Variants in GPC5 observed in about 807,000 individuals in gnomAD.
GPC5 encodes glypican 5, also known as glypican-5.
Under a neutral mutation model 53.9 loss-of-function variants are expected in GPC5, and 47 were observed. The ratio of observed to expected loss-of-function variants is 0.87; its 90% CI spans 0.69 to 1.11. The LOEUF (loss-of-function observed/expected upper bound fraction) is 1.11, where lower values mean the gene tolerates loss of function less well. GPC5 is among the 50% of genes most tolerant of loss of function. GPC5 has a pLI of 0.00. For synonymous variants in GPC5, 286 were observed against 263.3 expected (o/e 1.09, Z -0.84); for missense variants, 748 against 713.1 (o/e 1.05, Z -0.56).
chr13:91,784,174 T>C (rs2037841458), intron 5 of GPC5, among the ~76,000 whole-genome samples: 1 of 152,180 alleles, frequency 6.6e-6, no homozygotes, highest in South Asian at 2.1e-4. Context: ...AGTAAGGATA[T>C]AAAATGGACA....
At chr13:91,558,700 A>C (rs2031090877) in intron 2 of GPC5, among the ~76,000 whole-genome samples, 1 of 151,948 alleles carries the variant, frequency 6.6e-6, no homozygotes. Context: ...TTTTCTAGAG[A>C]TACGTTGAGA....
At chr13:92,125,260 G>A (rs750555287) in intron 6 of GPC5, among the ~76,000 whole-genome samples, 5 of 152,168 alleles carry the variant, frequency 3.3e-5, no homozygotes, top group African/African-American at 7.2e-5. Context: ...TTTTAAAAGA[G>A]TGAGAGTCAG....
At chr13:92,764,794 G>A (rs1302400174) in intron 7 of GPC5, among the ~76,000 whole-genome samples, 1 of 152,104 alleles carries the variant, frequency 6.6e-6, no homozygotes, top group Non-Finnish European at 1.5e-5. Flanking sequence ...ATAGGTGCTA[G>A]GGGCTTCTCA....
rs146876558 is a variant in GPC5 at position 92,698,089 on chromosome 13, G to C, written c.1562-168193G>C. On this transcript the variant is annotated intron_variant, in intron 7 of 7. Coordinates refer to ENST00000377067, the MANE Select transcript of GPC5 (RefSeq NM_004466.6). Reference sequence around the variant, plus strand: ...GGATAAGCTTTTTGATGTGCTGCTGGAATTGGCTTGCCAGTATTTTATTGA... The same window carrying C: ...GGATAAGCTTTTTGATGTGCTGCTGCAATTGGCTTGCCAGTATTTTATTGA... Among the ~76,000 whole-genome samples, 637 of 152,284 alleles carry C rather than the reference G, an allele frequency of 4.2e-3. 4 individuals are homozygous for C. Among genetic ancestry groups the C allele is most frequent in the African/African-American group, 0.015 (604 of 41,560 alleles).
At position 91,758,578 on chromosome 13, in the gene GPC5, A is replaced by G. The variant is rs79761334; in HGVS notation, c.1280+2158A>G. Among the ~76,000 whole-genome samples the G allele has an allele frequency of 5.4e-3, 820 of 152,246 alleles. 23 individuals are homozygous for G. In the East Asian group the frequency reaches 0.083, roughly 15 times the overall value. The stretch of plus-strand genomic sequence containing the variant: ...TTAGAGTGATAGTATTTTCAGCTCA[A>G]TGAATATATTTTATTCTACATAATA... On this transcript the variant is annotated intron_variant, in intron 5 of 7. Coordinates refer to ENST00000377067, the MANE Select transcript of GPC5 (RefSeq NM_004466.6).
chr13:91,606,253 A>G (rs1459489235), intron 2 of GPC5, among the ~76,000 whole-genome samples: 1 of 151,544 alleles, frequency 6.6e-6, no homozygotes, highest in African/African-American at 2.4e-5. Context: ...ATGCTGGATT[A>G]CATTTATTGA....
rs376258421 is a variant in GPC5 at position 92,142,756 on chromosome 13, G to A, written c.1402-2074G>A. Reference sequence around the variant, plus strand: ...GAGAGTCCATCTGTGTTCTTGCCACGATCCCAGTAAAATATTGGAATAATT... The same window carrying A: ...GAGAGTCCATCTGTGTTCTTGCCACAATCCCAGTAAAATATTGGAATAATT... On this transcript the variant is annotated intron_variant, in intron 6 of 7. Coordinates refer to ENST00000377067, the MANE Select transcript of GPC5 (RefSeq NM_004466.6). Among the ~76,000 whole-genome samples, 8 of 152,206 alleles carry A rather than the reference G, an allele frequency of 5.3e-5. No individual in the cohort carries two copies. The East Asian group carries it at 1.5e-3, about 29-fold the overall frequency.
At chr13:92,434,519 C>T (rs1438938808) in intron 7 of GPC5, among the ~76,000 whole-genome samples, 2 of 151,990 alleles carry the variant, frequency 1.3e-5, no homozygotes, top group Non-Finnish European at 2.9e-5. Context: ...GGAAAAATGG[C>T]TTGTATTCAA....
At chr13:91,753,395 T>A (rs1187104137) in intron 4 of GPC5, among the ~76,000 whole-genome samples, 1 of 152,158 alleles carries the variant, frequency 6.6e-6, no homozygotes, top group Non-Finnish European at 1.5e-5. Context: ...AATTAGAAAT[T>A]GTGTGTGTTA....
chr13:92,592,491 GA>G (rs1883745155), intron 7 of GPC5, among the ~76,000 whole-genome samples: 1 of 151,324 alleles, frequency 6.6e-6, no homozygotes, highest in Non-Finnish European at 1.5e-5. Context: ...AAGTACAGGG[GA>G]TGGAGTGGTA....
intron 6 of GPC5, among the ~76,000 whole-genome samples, chr13:92,078,252 C>G (rs540110116): frequency 1.3e-5 from 2 of 152,180 alleles, no homozygotes; most frequent in Non-Finnish European, 2.9e-5. Flanking sequence ...AGACATTTCA[C>G]GTCATTTTAC....
intron 7 of GPC5, among the ~76,000 whole-genome samples, chr13:92,754,977 G>A (rs1874791515): frequency 6.6e-6 from 1 of 152,038 alleles, no homozygotes; most frequent in Non-Finnish European, 1.5e-5. Flanking sequence ...GCACCAAGCG[G>A]ACCTAACACA....
At chr13:92,365,400 C>A (rs1030265238) in intron 7 of GPC5, among the ~76,000 whole-genome samples, 23 of 151,822 alleles carry the variant, frequency 1.5e-4, no homozygotes, top group Non-Finnish European at 1.5e-4. Flanking sequence ...TTGCTCTGGG[C>A]AGGTTAATGA....
intron 5 of GPC5, among the ~76,000 whole-genome samples, chr13:91,854,007 T>C (rs187973902): frequency 1.3e-5 from 2 of 151,950 alleles, no homozygotes; most frequent in Admixed American, 6.6e-5. Flanking sequence ...TTATTTTTTT[T>C]CCTGAAATCT....
chr13:92,598,576 G>T (rs1883949879), intron 7 of GPC5, among the ~76,000 whole-genome samples: 1 of 152,028 alleles, frequency 6.6e-6, no homozygotes, highest in Non-Finnish European at 1.5e-5. Context: ...AAAAAATAAA[G>T]GCAAGTTTAA....
chr13:92,274,200 T>C (rs766399025), intron 7 of GPC5, among the ~76,000 whole-genome samples: 3 of 152,202 alleles, frequency 2.0e-5, no homozygotes, highest in Non-Finnish European at 4.4e-5. Flanking sequence ...ATTTTCATTA[T>C]AGATACGGAT....
At chr13:91,961,125 G>T (rs988562017) in intron 6 of GPC5, among the ~76,000 whole-genome samples, 5 of 151,846 alleles carry the variant, frequency 3.3e-5, no homozygotes, top group African/African-American at 1.2e-4. Flanking sequence ...GAAATGAAAA[G>T]AAAATATTTG....
intron 7 of GPC5, among the ~76,000 whole-genome samples, chr13:92,374,869 GA>G (rs560669472): frequency 0.038 from 4,723 of 124,326 alleles, 107 homozygotes; most frequent in Admixed American, 0.09. Flanking sequence ...AAAAAAAATA[GA>G]AAAAAAAAAT....
At chr13:91,417,037 A>T (rs1201274679) in intron 1 of GPC5, among the ~76,000 whole-genome samples, 1 of 152,156 alleles carries the variant, frequency 6.6e-6, no homozygotes, top group East Asian at 1.9e-4. Flanking sequence ...TTCTTGAAAA[A>T]GTGGATGGAA....
Sources: allele counts gnomAD v4.1 joint callset (sites outside exome capture counted in the v4.1 genomes callset), GRCh38; gene constraint gnomAD v4.1.1; transcripts MANE v1.5; gene names NCBI Gene and HGNC (gene_info 2026-07-23, HGNC 2026-07-21).